The following SIK2 variants were observed in gnomAD, a reference collection of about 807,000 sequenced individuals.
SIK2 encodes the protein salt inducible kinase 2, also known as serine/threonine-protein kinase SIK2.
In SIK2, 29 loss-of-function variants were observed where a neutral mutation model predicts 103.2. The ratio of observed to expected loss-of-function variants is 0.28; its 90% CI spans 0.21 to 0.38. The LOEUF (loss-of-function observed/expected upper bound fraction) is 0.38. Ranked by LOEUF, SIK2 falls within the 10% of genes least tolerant of loss-of-function variation. SIK2 has a pLI of 1.00. For synonymous variants in SIK2, 412 were observed against 446.1 expected, an observed-to-expected ratio of 0.92 and a Z score of 0.96; for missense variants, 879 against 1,171.0, an observed-to-expected ratio of 0.75 and a Z score of 3.64.
intron 9 of SIK2, among the ~76,000 whole-genome samples, chr11:111,716,882 A>G (rs1252869282): frequency 6.6e-6 from 1 of 152,214 alleles, no homozygotes; most frequent in East Asian, 1.9e-4. Flanking sequence ...CAATCTATCC[A>G]TCTGACAAAG....
rs758041205 is a variant in SIK2, at chr11:111,722,670, C to T, written c.2061C>T (p.Pro687=). ...TQYLQHRLQK[P]SLLSKAQNTC... is the part of the protein sequence containing the mutation. ...TTGTTTTTCTGCTCTTCCAGAAGCC[C>T]AGCCTTCTGTCAAAGGCCCAGAACA... Residue 687 remains proline, a synonymous_variant, in exon 14 of 15, where the codon CCC becomes CCT. Transcript: ENST00000304987. The surrounding 1 kb of genome is among the most constrained non-coding windows in gnomAD (Gnocchi z 4.4). 8.7e-6 allele frequency: 14 copies of T among 1,613,700 alleles called. No individual in the cohort carries two copies. Among genetic ancestry groups the T allele is most frequent in the Non-Finnish European group, 1.2e-5 (14 of 1,179,806 alleles).
chr11:111,692,486 GC>G (rs564696287), intron 4 of SIK2, among the ~76,000 whole-genome samples: 65 of 151,630 alleles, frequency 4.3e-4, no homozygotes, highest in African/African-American at 1.5e-3. Flanking sequence ...AGAGGCCAGA[GC>G]GAATTGGAGT....
At chr11:111,720,132 T>G in intron 10 of SIK2, 129 bp downstream of exon 10, 1 of 928,796 alleles carries the variant, frequency 1.1e-6, no homozygotes, top group South Asian at 1.6e-5. Context: ...ATGGATTAGA[T>G]TCAGCAGGTA....
chr11:111,720,298 T>C (rs991716991), intron 10 of SIK2, among the ~76,000 whole-genome samples, 180 bp from the exon 11 acceptor site: 2 of 152,052 alleles, frequency 1.3e-5, no homozygotes, highest in African/African-American at 4.8e-5. Flanking sequence ...ACTTCTGGAG[T>C]GTTTTCCCCA....
chr11:111,632,787 A>C (rs1942056491), intron 3 of SIK2, among the ~76,000 whole-genome samples: 1 of 151,738 alleles, frequency 6.6e-6, no homozygotes, highest in Non-Finnish European at 1.5e-5. Context: ...CATGTCATTT[A>C]ATTGAATTGA....
At position 111,644,460 on chromosome 11, in the gene SIK2, G is replaced by A. The variant is rs114250158; in HGVS notation, c.316+24058G>A. ...GGCCGTAAAATACAGCCACAGGCAC[G>A]TATCTCGTTTTCTGAGTGACTGCAT... On this transcript the variant is annotated intron_variant, in intron 3 of 14. Coordinates refer to ENST00000304987, the MANE Select transcript of SIK2 (RefSeq NM_015191.3). Among the ~76,000 whole-genome samples the A allele has an allele frequency of 5.9e-3, 903 of 151,938 alleles. 13 individuals carry two copies. The highest frequency in any genetic ancestry group is 0.021 in the African/African-American group (864 of 41,434).
Position 111,623,587 on chromosome 11 carries a change from G to A in SIK2, c.316+3185G>A, listed in dbSNP as rs547412826. 2.6e-5 allele frequency among the ~76,000 whole-genome samples: 4 copies of A among 152,264 alleles called. No individual in the cohort carries two copies. In the South Asian group the frequency reaches 8.3e-4, roughly 32 times the overall value. On this transcript the variant is annotated intron_variant, in intron 3 of 14. Coordinates refer to ENST00000304987, the MANE Select transcript of SIK2 (RefSeq NM_015191.3). ...CATAATTGAAACAGTGCTCAGTCTG[G>A]GTCTAGTTACTTCCCACTTCTGAGT...
At chr11:111,612,915 G>GATATATATATATATATATATATATATAT (rs67675103) in intron 1 of SIK2, among the ~76,000 whole-genome samples, 6 of 49,992 alleles carry the variant, frequency 1.2e-4, no homozygotes, top group African/African-American at 3.2e-4. Context: ...ATAGCAATGG[G>GATATATATATATATATATATATATATAT]ATATATATAT....
rs1254464622 is a variant in SIK2 at position 111,725,924 on chromosome 11, A to AT, written c.*1800dup. On this transcript the variant is annotated 3_prime_UTR_variant, in exon 15 of 15. Transcript: ENST00000304987. ...GGGAAAGGGCAGTGTGGGGACTGTC[A>AT]TTTTTGTGATTTAATAACACACAGT... 2 of 152,220 alleles carry AT rather than the reference A, an allele frequency of 1.3e-5. No homozygotes were observed. The highest frequency in any genetic ancestry group is 4.8e-5 in the African/African-American group (2 of 41,448). The allele number at this position is 152,220 out of a possible 1,614,324, so 9.4% of individuals were successfully genotyped here.
chr11:111,673,600 A>G (rs1188091093), intron 3 of SIK2, among the ~76,000 whole-genome samples: 1 of 152,170 alleles, frequency 6.6e-6, no homozygotes, highest in African/African-American at 2.4e-5. Flanking sequence ...ATGAGAAGCA[A>G]TTTCAGAGCT....
rs141278222 is a variant in SIK2, at chr11:111,679,252, A to T, written c.317-8749A>T. Reference sequence around the variant, plus strand: ...CTTTAATTAAACCAGAAACTTGAACATATAGTCATGAAAGTCAATTGTAAA... The same window carrying T: ...CTTTAATTAAACCAGAAACTTGAACTTATAGTCATGAAAGTCAATTGTAAA... On this transcript the variant is annotated intron_variant, in intron 3 of 14. Transcript: ENST00000304987. Among the ~76,000 whole-genome samples, 71 of 152,350 alleles carry T rather than the reference A, an allele frequency of 4.7e-4. 3 individuals carry two copies. In the East Asian group the frequency reaches 0.013, roughly 29 times the overall value.
chr11:111,620,511 G>A (rs889948919), intron 3 of SIK2, 109 bp downstream of exon 3: 3 of 659,094 alleles, frequency 4.6e-6, no homozygotes, highest in African/African-American at 3.8e-5. Flanking sequence ...TAATATAAGT[G>A]AAAAAAAATT....
intron 4 of SIK2, among the ~76,000 whole-genome samples, chr11:111,690,755 A>G (rs1034775430): frequency 6.6e-6 from 1 of 152,160 alleles, no homozygotes; most frequent in Non-Finnish European, 1.5e-5. Flanking sequence ...GATGGTTTCC[A>G]GCTTCATCCA....
chr11:111,693,249 G>A (rs946563237), intron 4 of SIK2, among the ~76,000 whole-genome samples: 3 of 151,728 alleles, frequency 2.0e-5, no homozygotes, highest in African/African-American at 7.3e-5. Flanking sequence ...GGAGAGAATC[G>A]CTTGAACCAG....
intron 3 of SIK2, among the ~76,000 whole-genome samples, chr11:111,646,172 G>A (rs114666906): frequency 0.023 from 3,451 of 151,522 alleles, 82 homozygotes; most frequent in Middle Eastern, 0.058. Context: ...CAGCTTGGCC[G>A]GGCATGGTGG....
chr11:111,727,061 T>TAAGC lies in SIK2; in HGVS notation c.*2935_*2936insCAAG. 1 of 1,613,156 alleles carries TAAGC rather than the reference T, an allele frequency of 6.2e-7. No individual in the cohort carries two copies. Reference sequence around the variant, plus strand: ...CACGCAACTGATACACTGGTCCCTGTAAGGCAAACAGCATGTTAGCCCGAC... The same window carrying TAAGC: ...CACGCAACTGATACACTGGTCCCTGTAAGCAAGGCAAACAGCATGTTAGCCCGAC... On this transcript the variant is annotated 3_prime_UTR_variant, in exon 15 of 15. Coordinates refer to ENST00000304987, the MANE Select transcript of SIK2 (RefSeq NM_015191.3).
chr11:111,710,981 C>T (rs375647286), intron 8 of SIK2, among the ~76,000 whole-genome samples: 96 of 152,292 alleles, frequency 6.3e-4, no homozygotes, highest in Admixed American at 1.0e-3. Flanking sequence ...AGATGTGGTG[C>T]AGTGCCTGTT....
At chr11:111,672,051 G>A (rs917944694) in intron 3 of SIK2, 1 of 508,750 alleles carries the variant, frequency 2.0e-6, no homozygotes, top group Non-Finnish European at 3.9e-6. Context: ...GCTGCTCCAG[G>A]AACCACAACT....
chr11:111,644,960 T>C (rs1942236273), intron 3 of SIK2, among the ~76,000 whole-genome samples: 1 of 152,174 alleles, frequency 6.6e-6, no homozygotes, highest in African/African-American at 2.4e-5. Context: ...GCCTGTCGAG[T>C]GTCAAGCATT....
Sources: allele counts gnomAD v4.1 joint callset (sites outside exome capture counted in the v4.1 genomes callset), GRCh38; gene constraint gnomAD v4.1.1; non-coding constraint Gnocchi (gnomAD v3.1); transcripts MANE v1.5; gene names NCBI Gene and HGNC (gene_info 2026-07-23, HGNC 2026-07-21).